NELL1: variants seen among roughly 807,000 people sequenced by gnomAD.
NELL1 encodes neural EGFL like 1.
In NELL1, 76 loss-of-function variants were observed where a neutral mutation model predicts 107.4. The ratio of observed to expected loss-of-function variants is 0.71; its 90% CI spans 0.59 to 0.86. The LOEUF (loss-of-function observed/expected upper bound fraction) is 0.86, where lower values mean the gene tolerates loss of function less well. Among genes scored for constraint, NELL1 ranks in the 40% least tolerant of loss-of-function variants. The pLI is 0.00. For missense variants in NELL1, 1,024 were observed against 1,005.5 expected (o/e 1.02, Z -0.25); for synonymous variants, 353 against 341.2 (o/e 1.03, Z -0.38).
chr11:21,060,724 CAG>C (rs1481903991), intron 12 of NELL1, among the ~76,000 whole-genome samples: 2 of 152,174 alleles, frequency 1.3e-5, no homozygotes, highest in Non-Finnish European at 2.9e-5. Flanking sequence ...TGTTTTGAGA[CAG>C]AGTCTCACTT....
intron 13 of NELL1, among the ~76,000 whole-genome samples, chr11:21,220,329 C>CT (rs1392384779): frequency 6.6e-6 from 1 of 152,058 alleles, no homozygotes; most frequent in Non-Finnish European, 1.5e-5. Flanking sequence ...CTCAGTTCTG[C>CT]TTTTTGGCTA....
intron 5 of NELL1, among the ~76,000 whole-genome samples, chr11:20,912,915 T>A (rs186665399): frequency 1.3e-5 from 2 of 152,296 alleles, no homozygotes; most frequent in African/African-American, 2.4e-5. Flanking sequence ...AACTGGGGAA[T>A]CTTACACATT....
rs143683504 is a variant in NELL1, at chr11:21,149,366, C to T, written c.1426+35652C>T. The stretch of plus-strand genomic sequence containing the variant: ...ATAAAGGAAAGATGTTTAATTGGCT[C>T]ACAGTTCCATGTGGCTGGGGAGGCC... On this transcript the variant is annotated intron_variant, in intron 13 of 19. Transcript: ENST00000357134. Among the ~76,000 whole-genome samples the T allele has an allele frequency of 7.4e-3, 1,131 of 152,312 alleles. 14 individuals carry two copies. Among genetic ancestry groups the T allele is most frequent in the African/African-American group, 0.025 (1,059 of 41,570 alleles).
chr11:20,794,922 T>A (rs1857141540), intron 3 of NELL1, among the ~76,000 whole-genome samples: 2 of 152,188 alleles, frequency 1.3e-5, no homozygotes, highest in Non-Finnish European at 2.9e-5. Flanking sequence ...CCTTCCCTAA[T>A]CATCATGAGC....
chr11:21,494,898 A>C (rs565676750), intron 15 of NELL1, among the ~76,000 whole-genome samples: 172 of 152,076 alleles, frequency 1.1e-3, no homozygotes, highest in African/African-American at 3.8e-3. Context: ...TTTTTTAGAA[A>C]AATTAGTGAT....
chr11:21,152,970 T>A (rs1230761760), intron 13 of NELL1, among the ~76,000 whole-genome samples: 1 of 152,168 alleles, frequency 6.6e-6, no homozygotes, highest in East Asian at 1.9e-4. Flanking sequence ...TTTCTATAAT[T>A]TTCATTTACA....
intron 13 of NELL1, among the ~76,000 whole-genome samples, chr11:21,115,996 C>T (rs887837245): frequency 2.0e-5 from 3 of 151,888 alleles, no homozygotes; most frequent in Admixed American, 1.3e-4. Context: ...TTCCTCACAA[C>T]AAAACTTCTT....
intron 15 of NELL1, among the ~76,000 whole-genome samples, chr11:21,499,093 T>C (rs1855067953): frequency 6.6e-6 from 1 of 152,080 alleles, no homozygotes; most frequent in African/African-American, 2.4e-5. Context: ...AATGCTTTTT[T>C]TCCTCTTTTG....
At chr11:21,350,758 A>G (rs1236577639) in intron 14 of NELL1, among the ~76,000 whole-genome samples, 1 of 152,188 alleles carries the variant, frequency 6.6e-6, no homozygotes, top group Admixed American at 6.5e-5. Flanking sequence ...AGAATCTATT[A>G]GGCTAAACAG....
intron 15 of NELL1, among the ~76,000 whole-genome samples, chr11:21,417,325 A>G (rs1289969529): frequency 6.6e-6 from 1 of 151,810 alleles, no homozygotes. Context: ...TGCATTTCTT[A>G]CCTTTTTGGT....
chr11:21,058,153 G>C (rs377124296), intron 12 of NELL1, among the ~76,000 whole-genome samples: 6 of 152,052 alleles, frequency 3.9e-5, no homozygotes, highest in Non-Finnish European at 8.8e-5. Context: ...ACAATTGTAT[G>C]GGTATGGGAC....
chr11:20,690,928 T>A (rs953393128), intron 2 of NELL1, among the ~76,000 whole-genome samples: 3 of 152,170 alleles, frequency 2.0e-5, no homozygotes, highest in Non-Finnish European at 4.4e-5. Context: ...TGGAATGTTC[T>A]TCCATTTGTT....
intron 2 of NELL1, among the ~76,000 whole-genome samples, chr11:20,679,053 G>A (rs1015362077): frequency 6.6e-6 from 1 of 152,214 alleles, no homozygotes; most frequent in Admixed American, 6.5e-5. Flanking sequence ...GGTGGTGAAT[G>A]TCTAGAGGGG....
intron 15 of NELL1, among the ~76,000 whole-genome samples, chr11:21,386,032 G>T (rs1386258007): frequency 6.6e-6 from 1 of 151,658 alleles, no homozygotes; most frequent in Non-Finnish European, 1.5e-5. Flanking sequence ...TCCCTCCAGT[G>T]CACTCCATAT....
At chr11:20,786,994 C>T (rs555391644) in intron 3 of NELL1, among the ~76,000 whole-genome samples, 3 of 103,656 alleles carry the variant, frequency 2.9e-5, no homozygotes, top group Middle Eastern at 0.018. Context: ...GGCGAAAGAG[C>T]GAGACTCCGT....
chr11:21,206,277 GC>G, intron 13 of NELL1, among the ~76,000 whole-genome samples: 1 of 152,044 alleles, frequency 6.6e-6, no homozygotes, highest in South Asian at 2.1e-4. Context: ...TCCAATCTCT[GC>G]CTATGTCCTG....
chr11:21,388,356 GA>G (rs1460679074), intron 15 of NELL1, among the ~76,000 whole-genome samples: 1 of 151,810 alleles, frequency 6.6e-6, no homozygotes, highest in Non-Finnish European at 1.5e-5. Context: ...AAAAATTAGA[GA>G]AAGTCTAATT....
chr11:20,674,253 G>A (rs1050295093), intron 1 of NELL1, among the ~76,000 whole-genome samples: 2 of 152,154 alleles, frequency 1.3e-5, no homozygotes, highest in Non-Finnish European at 2.9e-5. Context: ...TGGGAGGAAA[G>A]GGGCCATCTG....
intron 13 of NELL1, among the ~76,000 whole-genome samples, chr11:21,134,055 G>A (rs1418460394): frequency 6.6e-6 from 1 of 152,236 alleles, no homozygotes; most frequent in Non-Finnish European, 1.5e-5. Context: ...GGAACTAAAT[G>A]CCAGAAGACC....
Sources: gnomAD v4.1 joint callset for allele counts (sites outside exome capture counted in the v4.1 genomes callset) on GRCh38, gnomAD v4.1.1 for gene constraint, MANE v1.5 for transcripts, NCBI Gene and HGNC (gene_info 2026-07-23, HGNC 2026-07-21) for gene names.